Variants in FRMD3 observed in about 807,000 individuals in gnomAD.
The protein encoded by FRMD3 is FERM domain containing 3.
A neutral mutation model predicts 70.2 loss-of-function variants in FRMD3; 33 were observed. That is an observed-to-expected ratio of 0.47 (90% confidence interval 0.36 to 0.63). FRMD3 has a LOEUF of 0.63. Ranked by LOEUF, FRMD3 falls within the 20% of genes least tolerant of loss-of-function variation. FRMD3 has a pLI of 0.00. For synonymous variants in FRMD3, 279 were observed against 255.9 expected (o/e 1.09, Z -0.86); for missense variants, 632 against 711.4 (o/e 0.89, Z 1.27).
At position 83,490,798 on chromosome 9, in the gene FRMD3, TCACA is replaced by T. The variant is rs60065758; in HGVS notation, c.147+47283_147+47286del. Among the ~76,000 whole-genome samples, 520 of 110,748 alleles carry T rather than the reference TCACA, an allele frequency of 4.7e-3. 1 individual carries two copies. The highest frequency in any genetic ancestry group is 0.013 in the African/African-American group (341 of 27,160). 72.7% of individuals were successfully genotyped at this position (110,748 alleles called of 152,430 possible). A position where few individuals can be genotyped will look rare whatever the true frequency, so the allele number is the denominator to read the frequency against. ...CTCTCTCTCTCTCTCTCTCTCTCTC[TCACA>T]CACACACACACACACACACACACAC... On this transcript the variant is annotated intron_variant, in intron 1 of 13. Coordinates refer to ENST00000304195, the MANE Select transcript of FRMD3 (RefSeq NM_174938.6).
intron 1 of FRMD3, among the ~76,000 whole-genome samples, chr9:83,534,272 C>T (rs914527003): frequency 1.3e-5 from 2 of 152,180 alleles, no homozygotes; most frequent in Non-Finnish European, 2.9e-5. Flanking sequence ...GGACAGCATC[C>T]CAGACCCTGT....
chr9:83,439,001 A>G, intron 1 of FRMD3, among the ~76,000 whole-genome samples: 1 of 152,106 alleles, frequency 6.6e-6, no homozygotes, highest in East Asian at 1.9e-4. Context: ...CAGGAGCTGC[A>G]CCTCCATACC....
intron 1 of FRMD3, among the ~76,000 whole-genome samples, chr9:83,527,787 G>A (rs1378412013): frequency 6.6e-6 from 1 of 152,064 alleles, no homozygotes; most frequent in African/African-American, 2.4e-5. Context: ...TCAAACCTCA[G>A]CTGCAAAATC....
At chr9:83,363,700 G>A (rs988018178) in intron 3 of FRMD3, among the ~76,000 whole-genome samples, 3 of 151,856 alleles carry the variant, frequency 2.0e-5, no homozygotes, top group Non-Finnish European at 4.4e-5. Flanking sequence ...GACTACAGGC[G>A]CCCGCCACCT....
intron 1 of FRMD3, among the ~76,000 whole-genome samples, chr9:83,436,781 GAAAA>G (rs200464485): frequency 0.045 from 5,941 of 132,254 alleles, 347 homozygotes; most frequent in African/African-American, 0.14. Flanking sequence ...GGACCAAGGG[GAAAA>G]AAAAAAAAAA....
chr9:83,398,615 C>T (rs3860915), intron 1 of FRMD3, among the ~76,000 whole-genome samples: 8 of 151,980 alleles, frequency 5.3e-5, no homozygotes, highest in Admixed American at 5.2e-4. Flanking sequence ...ACATAACAAA[C>T]CTGCACGTTG....
intron 1 of FRMD3, among the ~76,000 whole-genome samples, chr9:83,516,230 C>T (rs1467261810): frequency 3.3e-5 from 5 of 151,044 alleles, no homozygotes; most frequent in East Asian, 2.0e-4. Context: ...ACCCATCTCA[C>T]ATGCAAAGAC....
chr9:83,550,954 T>C, the FRMD3 span, among the ~76,000 whole-genome samples: 1 of 152,154 alleles, frequency 6.6e-6, no homozygotes, highest in Non-Finnish European at 1.5e-5. Context: ...TCTTCCTATT[T>C]GTACACCCTT....
intron 3 of FRMD3, among the ~76,000 whole-genome samples, chr9:83,364,895 G>T (rs1490575429): frequency 6.6e-6 from 1 of 152,124 alleles, no homozygotes; most frequent in Non-Finnish European, 1.5e-5. Flanking sequence ...TCTGCCCCTT[G>T]TATGTATGAA....
At chr9:83,305,914 C>A (rs943574981) in intron 10 of FRMD3, among the ~76,000 whole-genome samples, 1 of 152,218 alleles carries the variant, frequency 6.6e-6, no homozygotes, top group African/African-American at 2.4e-5. Context: ...GAAGGGACTT[C>A]TCTGACATGC....
chr9:83,309,696 T>TTACCTCTTTGTATCCTATCTCCTATTA, intron 9 of FRMD3, 72 bp from the exon 10 acceptor site: 1 of 917,252 alleles, frequency 1.1e-6, no homozygotes, highest in East Asian at 2.5e-5. Flanking sequence ...TTTTTTTTTT[T>TTACCTCTTTGTATCCTATCTCCTATTA]CAGGTGTTTA....
the FRMD3 span, among the ~76,000 whole-genome samples, chr9:83,548,718 A>T: frequency 7.2e-5 from 11 of 152,120 alleles, no homozygotes; most frequent in African/African-American, 2.7e-4. Context: ...CCCTAATATA[A>T]ACTATAGGCT....
chr9:83,437,485 C>T (rs1453812105), intron 1 of FRMD3, among the ~76,000 whole-genome samples: 1 of 152,132 alleles, frequency 6.6e-6, no homozygotes, highest in Non-Finnish European at 1.5e-5. Context: ...GAAAATTACA[C>T]CTTGAGATTT....
At chr9:83,546,675 T>C in the FRMD3 span, among the ~76,000 whole-genome samples, 10 of 151,988 alleles carry the variant, frequency 6.6e-5, no homozygotes, top group Non-Finnish European at 1.2e-4. Context: ...TAACCTTGAA[T>C]GTAAATAAAA....
chr9:83,299,768 C>T (rs952019530), intron 10 of FRMD3, among the ~76,000 whole-genome samples: 13 of 152,210 alleles, frequency 8.5e-5, no homozygotes, highest in African/African-American at 2.9e-4. Flanking sequence ...TTTAAAAGAA[C>T]CCACAGTGGT....
At chr9:83,485,189 A>G (rs1828660796) in intron 1 of FRMD3, among the ~76,000 whole-genome samples, 1 of 152,232 alleles carries the variant, frequency 6.6e-6, no homozygotes, top group African/African-American at 2.4e-5. Flanking sequence ...CGCTCATTTC[A>G]TTGGCTCCCT....
intron 1 of FRMD3, among the ~76,000 whole-genome samples, chr9:83,521,908 T>C (rs1370034509): frequency 2.0e-5 from 3 of 152,206 alleles, no homozygotes; most frequent in African/African-American, 7.2e-5. Flanking sequence ...AGCCAGACAA[T>C]GTCTACATTT....
chr9:83,321,583 T>C (rs1283507135), intron 6 of FRMD3, among the ~76,000 whole-genome samples: 2 of 152,160 alleles, frequency 1.3e-5, no homozygotes, highest in African/African-American at 2.4e-5. Context: ...GTTAAGACAT[T>C]TTCTGTGGCC....
At chr9:83,553,023 C>T in the FRMD3 span, among the ~76,000 whole-genome samples, 891 of 152,190 alleles carry the variant, frequency 5.9e-3, 7 homozygotes, top group African/African-American at 0.02. Flanking sequence ...GATCCTGCCA[C>T]TATGCTGTTA....
Sources: allele counts gnomAD v4.1 joint callset (sites outside exome capture counted in the v4.1 genomes callset), GRCh38; gene constraint gnomAD v4.1.1; transcripts MANE v1.5; gene names NCBI Gene and HGNC (gene_info 2026-07-23, HGNC 2026-07-21).